The following LARP4B variants were observed in gnomAD, a reference collection of about 807,000 sequenced individuals.
LARP4B encodes the protein La ribonucleoprotein 4B, also known as la-related protein 4B.
A neutral mutation model predicts 89.8 loss-of-function variants in LARP4B; 12 were observed. The observed-to-expected ratio is 0.13, with a 90% CI of 0.09 to 0.22. The LOEUF is 0.22. Among genes scored for constraint, LARP4B ranks in the 10% least tolerant of loss-of-function variants. LARP4B has a pLI of 1.00. For synonymous variants in LARP4B, 367 were observed against 363.3 expected (o/e 1.01, Z -0.12); for missense variants, 757 against 947.7 (o/e 0.80, Z 2.64).
chr10:980,421 T>C, the LARP4B span, among the ~76,000 whole-genome samples: 1 of 152,244 alleles, frequency 6.6e-6, no homozygotes, highest in Non-Finnish European at 1.5e-5. Flanking sequence ...AGAGGTTCTC[T>C]GTGAGGGCTC....
At chr10:849,411 G>C (rs1833934100) in intron 5 of LARP4B, among the ~76,000 whole-genome samples, 1 of 152,104 alleles carries the variant, frequency 6.6e-6, no homozygotes, top group Non-Finnish European at 1.5e-5. Context: ...AAAGCTAGAA[G>C]AACAATTTGA....
At chr10:866,729 C>A (rs370134743) in intron 3 of LARP4B, among the ~76,000 whole-genome samples, 1 of 152,344 alleles carries the variant, frequency 6.6e-6, no homozygotes, top group East Asian at 1.9e-4. Context: ...ACATACTACA[C>A]GTGCTTTAAA....
chr10:828,209 G>C (rs35637113), intron 11 of LARP4B, among the ~76,000 whole-genome samples: 22,486 of 152,134 alleles, frequency 0.15, 1,861 homozygotes, highest in Non-Finnish European at 0.19. Context: ...GCCACCCGGT[G>C]TACGCTTCAG....
At chr10:831,957 T>A (rs1277172525) in intron 8 of LARP4B, among the ~76,000 whole-genome samples, 1 of 152,204 alleles carries the variant, frequency 6.6e-6, no homozygotes, top group Admixed American at 6.5e-5. Flanking sequence ...CATAACACAT[T>A]TACTGCATAT....
the LARP4B span, among the ~76,000 whole-genome samples, chr10:943,980 G>T: frequency 1.1e-3 from 165 of 152,244 alleles, no homozygotes; most frequent in African/African-American, 3.7e-3. Flanking sequence ...AAATACGGAA[G>T]AACATGAATA....
At chr10:821,242 G>C (rs1179050285) in intron 13 of LARP4B, among the ~76,000 whole-genome samples, 3 of 152,190 alleles carry the variant, frequency 2.0e-5, no homozygotes, top group African/African-American at 7.2e-5. Flanking sequence ...TCCCGGCGCA[G>C]ATTTGCTTTA....
intron 1 of LARP4B, among the ~76,000 whole-genome samples, chr10:897,698 C>T (rs1408420404): frequency 6.6e-6 from 1 of 151,976 alleles, no homozygotes; most frequent in Non-Finnish European, 1.5e-5. Flanking sequence ...TAAAAATTGG[C>T]AAATGAGAGC....
chr10:963,188 T>A, the LARP4B span, among the ~76,000 whole-genome samples: 1 of 152,162 alleles, frequency 6.6e-6, no homozygotes, highest in African/African-American at 2.4e-5. Context: ...ATCACCACAG[T>A]GACCTGCTAT....
chr10:961,532 G>A, the LARP4B span, among the ~76,000 whole-genome samples: 8 of 150,624 alleles, frequency 5.3e-5, no homozygotes, highest in Non-Finnish European at 1.0e-4. Flanking sequence ...GTGAGGCCTC[G>A]GGAAGGTCCA....
the LARP4B span, among the ~76,000 whole-genome samples, chr10:949,464 C>T: frequency 6.6e-6 from 1 of 151,422 alleles, no homozygotes; most frequent in African/African-American, 2.4e-5. Context: ...GATCTCCAAC[C>T]TGTTTTCCAG....
At chr10:845,963 TAG>T (rs1422446480) in intron 5 of LARP4B, among the ~76,000 whole-genome samples, 1 of 152,096 alleles carries the variant, frequency 6.6e-6, no homozygotes, top group Non-Finnish European at 1.5e-5. Context: ...ATGAGAGGGA[TAG>T]AGAGTTTGTA....
chr10:807,235 CA>C (rs1831589566), downstream of LARP4B: 1 of 152,256 alleles, frequency 6.6e-6, no homozygotes. Flanking sequence ...CCCGTTAGGA[CA>C]GGGGTGAGGA....
At position 829,740 on chromosome 10, in the gene LARP4B, G is replaced by A. The variant is rs1832801611; in HGVS notation, c.862-6C>T. The A allele has an allele frequency of 6.2e-7, 1 of 1,608,450 alleles. No homozygotes were observed. The highest frequency in any genetic ancestry group is 8.5e-7 in the Non-Finnish European group (1 of 1,175,898). On this transcript the variant is annotated splice_region_variant and splice_polypyrimidine_tract_variant and intron_variant, in intron 9 of 17. Coordinates refer to ENST00000316157, the MANE Select transcript of LARP4B (RefSeq NM_015155.3). ...TCTCGAAGGTATTTGTAAGCCTAAGGGCAAAATTAAGTACAAAATTCCATT... is the reference window on the plus strand; with the variant it reads ...TCTCGAAGGTATTTGTAAGCCTAAGAGCAAAATTAAGTACAAAATTCCATT...
upstream of LARP4B, among the ~76,000 whole-genome samples, chr10:932,045 G>T (rs1256545470): frequency 2.0e-5 from 3 of 150,544 alleles, no homozygotes; most frequent in African/African-American, 7.3e-5. Flanking sequence ...GGCCGTGTGG[G>T]CCCTGACTTC....
chr10:849,674 A>C (rs1293144068), intron 5 of LARP4B, among the ~76,000 whole-genome samples: 1 of 152,234 alleles, frequency 6.6e-6, no homozygotes, highest in Non-Finnish European at 1.5e-5. Context: ...GGGGAGGGAA[A>C]GGGTAACTTC....
At chr10:927,129 G>C (rs936722379) in intron 1 of LARP4B, among the ~76,000 whole-genome samples, 6 of 152,188 alleles carry the variant, frequency 3.9e-5, no homozygotes, top group African/African-American at 1.4e-4. Context: ...AGGGCAATGG[G>C]GTTGATGGGA....
chr10:814,971 A>T lies in LARP4B; in HGVS notation c.1795T>A (p.Ser599Thr), dbSNP rs752909611. ...SCAVSATYER[S>T]PSPAHLPDDP... Reference sequence around the variant, plus strand: ...TCGGGTAAATGAGCTGGGGAGGGGGATCGCTCGTACGTTGCTGATACAGCA... The same window carrying T: ...TCGGGTAAATGAGCTGGGGAGGGGGTTCGCTCGTACGTTGCTGATACAGCA... Residue 599 changes from serine to threonine, a missense_variant, in exon 16 of 18, where the codon TCC (serine) becomes ACC (threonine). Physicochemically the swap from Ser to Thr is moderately conservative, Grantham distance 58. This residue lies in a region of LARP4B where 387 missense variants were observed against 423.6 expected (regional missense o/e 0.91). Transcript: ENST00000316157. The surrounding 1 kb of genome is among the most constrained non-coding windows in gnomAD (Gnocchi z 4.4). 5.0e-6 allele frequency: 8 copies of T among 1,603,794 alleles called. No individual in the cohort carries two copies. In the South Asian group the frequency reaches 8.9e-5, roughly 18 times the overall value.
At chr10:892,353 G>A (rs1836053521) in intron 1 of LARP4B, among the ~76,000 whole-genome samples, 1 of 152,170 alleles carries the variant, frequency 6.6e-6, no homozygotes, top group African/African-American at 2.4e-5. Context: ...CAACACTTGG[G>A]AGACCATAAC....
chr10:887,419 A>AC (rs200470939), intron 1 of LARP4B, among the ~76,000 whole-genome samples: 3,229 of 152,156 alleles, frequency 0.021, 65 homozygotes, highest in Admixed American at 0.061. Flanking sequence ...CAATTAAAAA[A>AC]AAAAAAAAGG....
Sources: allele counts gnomAD v4.1 joint callset (sites outside exome capture counted in the v4.1 genomes callset), GRCh38; gene constraint gnomAD v4.1.1; regional missense constraint gnomAD v4.1.1; non-coding constraint Gnocchi (gnomAD v3.1); transcripts MANE v1.5; gene names NCBI Gene and HGNC (gene_info 2026-07-23, HGNC 2026-07-21).